Variants in MMP19 observed in about 807,000 individuals in gnomAD.
The protein encoded by MMP19 is matrix metallopeptidase 19, also known as matrix metalloproteinase-19.
A neutral mutation model predicts 46.6 loss-of-function variants in MMP19; 47 were observed. That is an observed-to-expected ratio of 1.01 (90% CI 0.80 to 1.29). MMP19 has a LOEUF of 1.29. MMP19 is among the 50% of genes most tolerant of loss of function. MMP19 has a pLI of 0.00. For missense variants in MMP19, 589 were observed against 643.5 expected (o/e 0.92, Z 0.92); for synonymous variants, 222 against 248.5 (o/e 0.89, Z 1.00).
At chr12:55,841,463 A>G in intron 2 of MMP19, 1 of 490,558 alleles carries the variant, frequency 2.0e-6, no homozygotes, top group Non-Finnish European at 3.7e-6. Flanking sequence ...AGTGTCTTTT[A>G]TTTGAGTAAG....
rs1881229645 is a variant in MMP19 at position 55,836,632 on chromosome 12, C to T, written c.*404G>A. Reference sequence around the variant, plus strand: ...ATGTGATTCTCAAGGATTCCAAGGCCCTTGCTCAGTTTACTGGCCATGCTG... The same window carrying T: ...ATGTGATTCTCAAGGATTCCAAGGCTCTTGCTCAGTTTACTGGCCATGCTG... On this transcript the variant is annotated 3_prime_UTR_variant, in exon 9 of 9. Coordinates refer to ENST00000322569, the MANE Select transcript of MMP19 (RefSeq NM_002429.6). 1 of 161,094 alleles carries T rather than the reference C, an allele frequency of 6.2e-6. No individual in the cohort carries two copies. The highest frequency in any genetic ancestry group is 2.0e-4 in the South Asian group (1 of 5,054). The allele number at this position is 161,094 out of a possible 1,614,324, so 10.0% of individuals were successfully genotyped here.
chr12:55,841,957 T>G (rs1881732119), intron 2 of MMP19, among the ~76,000 whole-genome samples: 1 of 152,102 alleles, frequency 6.6e-6, no homozygotes, highest in Non-Finnish European at 1.5e-5. Context: ...GAAAGAAAAA[T>G]AATCCATTAC....
chr12:55,838,014 G>GT lies in MMP19; in HGVS notation c.896-8dup. ...TAGGTCTTCCCACGGGGCCCTGAGCGTAATGGTGTGTCAACAAGTCAAAAA... is the reference window on the plus strand; with the variant it reads ...TAGGTCTTCCCACGGGGCCCTGAGCGTTAATGGTGTGTCAACAAGTCAAAAA... On this transcript the variant is annotated splice_region_variant and splice_polypyrimidine_tract_variant and intron_variant, in intron 6 of 8. Transcript: ENST00000322569. The GT allele has an allele frequency of 6.4e-7, 1 of 1,560,766 alleles. No homozygotes were observed. Among genetic ancestry groups the GT allele is most frequent in the Non-Finnish European group, 8.7e-7 (1 of 1,149,074 alleles).
chr12:55,840,369 AAGGG>A (rs1275248830), intron 4 of MMP19, among the ~76,000 whole-genome samples: 63 of 109,924 alleles, frequency 5.7e-4, no homozygotes, highest in African/African-American at 1.5e-3. Context: ...AGAAGGAAGG[AAGGG>A]AGGGAGGGAG....
At chr12:55,837,403 A>G in intron 8 of MMP19, 29 bp from the exon 9 acceptor site, 1 of 1,581,976 alleles carries the variant, frequency 6.3e-7, no homozygotes, top group African/African-American at 1.3e-5. Context: ...GGGAGAGGGG[A>G]GAGGAAGAGG....
Position 55,835,931 on chromosome 12 carries a change from G to C in MMP19, c.*1105C>G, listed in dbSNP as rs1486489014. 6.6e-6 allele frequency: 1 copy of C among 152,278 alleles called. No homozygotes were observed. Among genetic ancestry groups the C allele is most frequent in the African/African-American group, 2.4e-5 (1 of 41,442 alleles). 9.4% of individuals were successfully genotyped at this position (152,278 alleles called of 1,614,324 possible). ...TGCCTTCCCCAAAAGCTGGCTTCTT[G>C]CTCCAAGGAGAGAGCATTGACCCAC... On this transcript the variant is annotated 3_prime_UTR_variant, in exon 9 of 9. Coordinates refer to ENST00000322569, the MANE Select transcript of MMP19 (RefSeq NM_002429.6).
At chr12:55,838,533 C>A in intron 6 of MMP19, 73 bp downstream of exon 6, 1 of 1,613,040 alleles carries the variant, frequency 6.2e-7, no homozygotes, top group Non-Finnish European at 8.5e-7. Flanking sequence ...CATGTCACTC[C>A]CATTTGTCCA....
rs766545534 is a variant in MMP19, at chr12:55,839,608, C to T, written c.654G>A (p.Leu218=). The change falls in exon 5 of 9, where the codon CTG becomes CTA. Residue 218 remains leucine, a synonymous_variant. Transcript: ENST00000322569. ...IIAAHEVGHA[L]GLGHSRYSQA... is the part of the protein sequence containing the mutation. ...GGGAATATCGGGAGTGCCCAAGCCC[C>T]AGAGCATGGCCCACTTCATGGGCTG... is the stretch of plus-strand genomic sequence containing the variant. 1.2e-5 allele frequency: 19 copies of T among 1,614,250 alleles called. No homozygotes were observed. The highest frequency in any genetic ancestry group is 1.5e-5 in the Non-Finnish European group (18 of 1,180,048).
intron 5 of MMP19, 98 bp downstream of exon 5, chr12:55,839,398 C>G (rs1480870323): frequency 6.9e-7 from 1 of 1,439,694 alleles, no homozygotes; most frequent in African/African-American, 1.4e-5. Context: ...AGAAGAAAGA[C>G]ACTAAGCTAT....
chr12:55,841,115 G>T lies in MMP19; in HGVS notation c.295C>A (p.Leu99Met). The T allele has an allele frequency of 1.2e-6, 2 of 1,611,994 alleles. No homozygotes were observed. The highest frequency in any genetic ancestry group is 1.7e-6 in the Non-Finnish European group (2 of 1,179,032). ...CAGGCTCTGTTCTCACCCAGCAACA[G>T]GTATTTAAGGGTCTTCTGGTTGAAG... ...DPFNQKTLKY[L>M]LLGRWRKKHL... Residue 99 changes from leucine (L) to methionine (M), a missense_variant, in exon 3 of 9, where the codon CTG becomes ATG. Physicochemically the swap from Leu to Met is conservative, Grantham distance 15 (BLOSUM62 2). Transcript: ENST00000322569.
Position 55,837,301 on chromosome 12 carries a change from A to G in MMP19, c.1262T>C (p.Leu421Ser). 6.2e-7 allele frequency: 1 copy of G among 1,613,994 alleles called. No homozygotes were observed. Among genetic ancestry groups the G allele is most frequent in the Non-Finnish European group, 8.5e-7 (1 of 1,179,888 alleles). ...GGGCTGGTTTGGCACTCCCGTAAAC[A>G]AACCCTTGATTGGTTTGGGGTAGCT... ...FSSYPKPIKG[L>S]FTGVPNQPSA... is the part of the protein sequence containing the mutation. Residue 421 changes from leucine (L) to serine (S), a missense_variant, in exon 9 of 9, where the codon TTG (leucine) becomes TCG (serine). Leu to Ser is a moderately radical substitution (Grantham distance 145). Coordinates refer to ENST00000322569, the MANE Select transcript of MMP19 (RefSeq NM_002429.6).
chr12:55,841,528 T>G, intron 2 of MMP19: 1 of 260,128 alleles, frequency 3.8e-6, no homozygotes, highest in Non-Finnish European at 7.4e-6. Context: ...CCTTCCTTCC[T>G]TCCTTCCTTC....
Position 55,840,776 on chromosome 12 carries a change from G to T in MMP19, c.411C>A (p.Ser137Arg). 1.9e-6 allele frequency: 3 copies of T among 1,614,086 alleles called. No homozygotes were observed. The highest frequency in any genetic ancestry group is 2.5e-6 in the Non-Finnish European group (3 of 1,179,976). Residue 137 changes from serine (S) to arginine (R), a missense_variant, in exon 4 of 9, where the codon AGC becomes AGA. By Grantham distance (110) the Ser-to-Arg change is moderately radical. Transcript: ENST00000322569. ...AALRQAFQDW[S>R]NVAPLTFQEV... ...CTTGGAAGGTCAAGGGAGCCACATTGCTCCAGTCCTGGAAGGCTTGACGCA... is the reference window on the plus strand; with the variant it reads ...CTTGGAAGGTCAAGGGAGCCACATTTCTCCAGTCCTGGAAGGCTTGACGCA...
chr12:55,838,424 C>T, intron 6 of MMP19, 182 bp downstream of exon 6: 1 of 1,470,338 alleles, frequency 6.8e-7, no homozygotes, highest in Non-Finnish European at 9.4e-7. Context: ...GCCTAAGCCA[C>T]CTTTAATTTG....
intron 8 of MMP19, 34 bp from the exon 9 acceptor site, chr12:55,837,408 A>C: frequency 6.3e-7 from 1 of 1,581,146 alleles, no homozygotes. Flanking sequence ...AGGGGAGAGG[A>C]AGAGGAGAGA....
intron 2 of MMP19, among the ~76,000 whole-genome samples, chr12:55,841,850 C>G (rs1420432196): frequency 6.9e-6 from 1 of 144,616 alleles, no homozygotes; most frequent in African/African-American, 2.4e-5. Flanking sequence ...GAATGGATAC[C>G]CGTCCCAGCC....
At chr12:55,837,485 G>A (rs1272601195) in intron 8 of MMP19, 70 bp downstream of exon 8, 5 of 1,600,244 alleles carry the variant, frequency 3.1e-6, no homozygotes, top group Non-Finnish European at 4.3e-6. Flanking sequence ...TCAAGCGCAA[G>A]CTTTGCTTCT....
chr12:55,838,720 C>G lies in MMP19; in HGVS notation c.781G>C (p.Val261Leu). The change falls in exon 6 of 9, where the codon GTG (valine) becomes CTG (leucine). Residue 261 changes from valine to leucine, a missense_variant. Coordinates refer to ENST00000322569, the MANE Select transcript of MMP19 (RefSeq NM_002429.6). ...TCTTCTTCTTCCTCATCCCTTATCA[C>G]TGGACTCTTCTTGCCTATAAGGTAA... Reference protein sequence around the residue: ...IQALYGKKSPVIRDEEEEETE... With the variant: ...IQALYGKKSPLIRDEEEEETE... 1 of 1,598,512 alleles carries G rather than the reference C, an allele frequency of 6.3e-7. No homozygotes were observed. The highest frequency in any genetic ancestry group is 8.5e-7 in the Non-Finnish European group (1 of 1,171,140).
chr12:55,835,585 T>C lies in MMP19; in HGVS notation c.*1451A>G, dbSNP rs953351446. On this transcript the variant is annotated 3_prime_UTR_variant, in exon 9 of 9. Transcript: ENST00000322569. ...CCGCACCTCGTCTTGAAATAGCCTT[T>C]TAAATGTTCACCTCAGCTTGCCTCA... The C allele has an allele frequency of 2.6e-5, 4 of 152,218 alleles. No individual in the cohort carries two copies. The highest frequency in any genetic ancestry group is 9.7e-5 in the African/African-American group (4 of 41,436). The allele number at this position is 152,218 out of a possible 1,614,324, so 9.4% of individuals were successfully genotyped here.
Sources: allele counts gnomAD v4.1 joint callset (sites outside exome capture counted in the v4.1 genomes callset), GRCh38; gene constraint gnomAD v4.1.1; transcripts MANE v1.5; gene names NCBI Gene and HGNC (gene_info 2026-07-23, HGNC 2026-07-21).